Variants in BICRAL observed in about 807,000 individuals in gnomAD.
BICRAL encodes BICRA like chromatin remodeling complex associated protein.
Under a neutral mutation model 91.8 loss-of-function variants are expected in BICRAL, and 8 were observed. That is an observed-to-expected ratio of 0.09 (90% CI 0.05 to 0.16). The LOEUF is 0.16. Among genes scored for constraint, BICRAL ranks in the 10% least tolerant of loss-of-function variants. The pLI is 1.00. For missense variants in BICRAL, 1,038 were observed against 1,310.9 expected (o/e 0.79, Z 3.21); for synonymous variants, 445 against 491.1 (o/e 0.91, Z 1.24).
chr6:42,841,545 AT>A (rs1764800007), intron 6 of BICRAL, among the ~76,000 whole-genome samples: 1 of 151,886 alleles, frequency 6.6e-6, no homozygotes, highest in South Asian at 2.1e-4. Flanking sequence ...CTACTTCCCT[AT>A]CCCCCTTGTA....
At chr6:42,804,928 C>T (rs939729520) in intron 1 of BICRAL, among the ~76,000 whole-genome samples, 1 of 152,172 alleles carries the variant, frequency 6.6e-6, no homozygotes, top group African/African-American at 2.4e-5. Context: ...TCTTGAACTC[C>T]TGTCTTCAAG....
At position 42,828,604 on chromosome 6, in the gene BICRAL, T is replaced by G. The variant is rs767502040; in HGVS notation, c.271T>G (p.Ser91Ala). The change falls in exon 6 of 13, where the codon TCT becomes GCT. Residue 91 changes from serine (S) to alanine (A), a missense_variant. Ser to Ala is a moderately conservative substitution (Grantham distance 99). Transcript: ENST00000314073. ...SLQFLEDELE[S>A]SPLPDLTEDQ... ...CCAGTTTCTTGAAGATGAACTCGAGTCTTCTCCTCTTCCTGATCTCACTGA... is the reference window on the plus strand; with the variant it reads ...CCAGTTTCTTGAAGATGAACTCGAGGCTTCTCCTCTTCCTGATCTCACTGA... The G allele has an allele frequency of 1.3e-5, 21 of 1,613,890 alleles. No individual in the cohort carries two copies. Among genetic ancestry groups the G allele is most frequent in the Non-Finnish European group, 1.8e-5 (21 of 1,179,962 alleles).
intron 1 of BICRAL, among the ~76,000 whole-genome samples, chr6:42,769,093 T>C (rs1762682183): frequency 6.6e-6 from 1 of 152,232 alleles, no homozygotes; most frequent in Non-Finnish European, 1.5e-5. Flanking sequence ...TACGTCACAG[T>C]TCTGTGGGTC....
intron 1 of BICRAL, among the ~76,000 whole-genome samples, chr6:42,792,331 G>A (rs562643949): frequency 2.9e-4 from 44 of 152,000 alleles, no homozygotes; most frequent in Admixed American, 1.4e-3. Context: ...GTCCAGTGGC[G>A]TGATCATAGC....
chr6:42,749,238 A>G (rs1261936883), intron 1 of BICRAL, among the ~76,000 whole-genome samples: 1 of 152,222 alleles, frequency 6.6e-6, no homozygotes, highest in Non-Finnish European at 1.5e-5. Flanking sequence ...TCACATACCC[A>G]TCACCCAGCT....
At chr6:42,773,762 G>A (rs1381674664) in intron 1 of BICRAL, among the ~76,000 whole-genome samples, 2 of 152,050 alleles carry the variant, frequency 1.3e-5, no homozygotes, top group African/African-American at 4.8e-5. Flanking sequence ...TGACCCATCC[G>A]CCTCGGCTTC....
At chr6:42,792,107 G>A in intron 1 of BICRAL, among the ~76,000 whole-genome samples, 1 of 152,306 alleles carries the variant, frequency 6.6e-6, no homozygotes, top group East Asian at 1.9e-4. Context: ...AGGACTGGAA[G>A]TTGGTCTGGG....
chr6:42,793,814 G>C (rs1265389015), intron 1 of BICRAL, among the ~76,000 whole-genome samples: 1 of 144,654 alleles, frequency 6.9e-6, no homozygotes, highest in Admixed American at 7.0e-5. Context: ...TGTTGCCCGG[G>C]CTGGAGTACA....
At chr6:42,772,837 G>A (rs1010371513) in intron 1 of BICRAL, among the ~76,000 whole-genome samples, 1 of 152,170 alleles carries the variant, frequency 6.6e-6, no homozygotes, top group Non-Finnish European at 1.5e-5. Context: ...GATGGTATTC[G>A]AGGGAGATTT....
At chr6:42,824,355 CT>C (rs1562479855) in intron 5 of BICRAL, among the ~76,000 whole-genome samples, 1 of 152,008 alleles carries the variant, frequency 6.6e-6, no homozygotes, top group East Asian at 1.9e-4. Flanking sequence ...TTTCAACTTT[CT>C]TTTTTTGAGA....
At chr6:42,861,182 T>G (rs2114042843) in intron 11 of BICRAL, among the ~76,000 whole-genome samples, 2 of 152,070 alleles carry the variant, frequency 1.3e-5, no homozygotes, top group African/African-American at 4.8e-5. Flanking sequence ...GTCAGGAGTT[T>G]GAGACCAGCC....
At chr6:42,751,952 C>T (rs113980260) in intron 1 of BICRAL, among the ~76,000 whole-genome samples, 16,455 of 152,126 alleles carry the variant, frequency 0.11, 993 homozygotes, top group Admixed American at 0.16. Flanking sequence ...TCACCGCGCC[C>T]GGCCAAGCCC....
intron 1 of BICRAL, among the ~76,000 whole-genome samples, chr6:42,764,109 G>A (rs1370794550): frequency 6.6e-6 from 1 of 151,670 alleles, no homozygotes; most frequent in East Asian, 1.9e-4. Flanking sequence ...GGGTGTGGTG[G>A]CACGCGCCTG....
intron 1 of BICRAL, among the ~76,000 whole-genome samples, chr6:42,784,293 T>A (rs192504014): frequency 6.6e-6 from 1 of 152,298 alleles, no homozygotes; most frequent in Non-Finnish European, 1.5e-5. Context: ...TGGTAGTATC[T>A]ATTAGAGATG....
chr6:42,858,694 G>A (rs972548116), intron 10 of BICRAL, among the ~76,000 whole-genome samples: 2 of 150,224 alleles, frequency 1.3e-5, no homozygotes, highest in Non-Finnish European at 1.5e-5. Flanking sequence ...GCACATGCCT[G>A]TAATTCCAGC....
At chr6:42,762,018 T>A (rs1019151088) in intron 1 of BICRAL, among the ~76,000 whole-genome samples, 1 of 152,184 alleles carries the variant, frequency 6.6e-6, no homozygotes, top group African/African-American at 2.4e-5. Context: ...CTACAGTAGC[T>A]CCTCAAAAAT....
intron 6 of BICRAL, among the ~76,000 whole-genome samples, chr6:42,838,918 G>A (rs567249060): frequency 3.3e-5 from 5 of 152,092 alleles, no homozygotes; most frequent in Admixed American, 6.6e-5. Context: ...CTGAGATTGC[G>A]CCACTGCACT....
intron 6 of BICRAL, among the ~76,000 whole-genome samples, chr6:42,845,619 C>A (rs1344474703): frequency 1.3e-5 from 2 of 152,072 alleles, no homozygotes; most frequent in Non-Finnish European, 2.9e-5. Flanking sequence ...AGCTCTCCTT[C>A]ATTGTTCTCC....
rs187634992 is a variant in BICRAL, at chr6:42,758,532, G to C, written c.-261+11509G>C. 1.1e-4 allele frequency among the ~76,000 whole-genome samples: 17 copies of C among 152,220 alleles called. No homozygotes were observed. In the East Asian group the frequency reaches 3.3e-3, roughly 29 times the overall value. ...GGTGTATTGGTGAACACACAGACTGGGCTCCCTCAGAGCTCAGAAGCTAAG... is the reference window on the plus strand; with the variant it reads ...GGTGTATTGGTGAACACACAGACTGCGCTCCCTCAGAGCTCAGAAGCTAAG... On this transcript the variant is annotated intron_variant, in intron 1 of 14. Transcript: ENST00000614467.
Sources: allele counts gnomAD v4.1 joint callset (sites outside exome capture counted in the v4.1 genomes callset), GRCh38; gene constraint gnomAD v4.1.1; transcripts MANE v1.5; gene names NCBI Gene and HGNC (gene_info 2026-07-23, HGNC 2026-07-21).